The following RNF38 variants were observed in gnomAD, a reference collection of about 807,000 sequenced individuals.
The protein encoded by RNF38 is E3 ubiquitin-protein ligase RNF38.
RNF38 carries 15 observed loss-of-function variants against 67.2 expected under a neutral mutation model. The ratio of observed to expected loss-of-function variants is 0.22; its 90% CI spans 0.15 to 0.34. The LOEUF is 0.34. Among genes scored for constraint, RNF38 ranks in the 10% least tolerant of loss-of-function variants. The probability of loss-of-function intolerance (pLI) is 1.00; values close to 1 mark genes in which losing one functional copy is unlikely to be tolerated. For synonymous variants in RNF38, 220 were observed against 218.8 expected (o/e 1.01, Z -0.05); for missense variants, 524 against 639.9 (o/e 0.82, Z 1.95).
intron 2 of RNF38, among the ~76,000 whole-genome samples, chr9:36,412,369 T>A (rs761351674): frequency 6.5e-4 from 99 of 152,360 alleles, no homozygotes; most frequent in Non-Finnish European, 1.0e-3. Flanking sequence ...TTTGCCAAAG[T>A]GTCAGGTTGA....
intron 4 of RNF38, 135 bp from the exon 5 acceptor site, chr9:36,358,077 G>C: frequency 1.5e-6 from 1 of 656,708 alleles, no homozygotes; most frequent in Non-Finnish European, 2.6e-6. Context: ...CAATAGTTTC[G>C]ACCAGAATAT....
At chr9:36,370,098 A>G (rs1409677370) in intron 3 of RNF38, among the ~76,000 whole-genome samples, 166 bp from the exon 4 acceptor site, 1 of 152,198 alleles carries the variant, frequency 6.6e-6, no homozygotes, top group Admixed American at 6.5e-5. Flanking sequence ...TTTAAATACA[A>G]GGTATATGTT....
intron 1 of RNF38, among the ~76,000 whole-genome samples, chr9:36,443,457 T>A (rs965532062): frequency 1.3e-5 from 2 of 152,144 alleles, no homozygotes; most frequent in African/African-American, 4.8e-5. Context: ...ATATTTACAT[T>A]AAAAAGGAAA....
Sources: allele counts gnomAD v4.1 joint callset (sites outside exome capture counted in the v4.1 genomes callset), GRCh38; gene constraint gnomAD v4.1.1; transcripts MANE v1.5; gene names NCBI Gene and HGNC (gene_info 2026-07-23, HGNC 2026-07-21).